Variants in CNTNAP2 observed in about 807,000 individuals in gnomAD.
CNTNAP2 encodes the protein contactin-associated protein-like 2.
In CNTNAP2, 98 loss-of-function variants were observed where a neutral mutation model predicts 155.2. The ratio of observed to expected loss-of-function variants is 0.63; its 90% CI spans 0.54 to 0.75. The LOEUF (loss-of-function observed/expected upper bound fraction) is 0.75. Ranked by LOEUF, CNTNAP2 falls within the 30% of genes least tolerant of loss-of-function variation. The probability of loss-of-function intolerance (pLI) is 0.00; values close to 1 mark genes in which losing one functional copy is unlikely to be tolerated. For synonymous variants in CNTNAP2, 651 were observed against 631.2 expected (o/e 1.03, Z -0.47); for missense variants, 1,727 against 1,688.1 (o/e 1.02, Z -0.40).
intron 3 of CNTNAP2, among the ~76,000 whole-genome samples, chr7:146,982,787 G>A (rs189444928): frequency 6.6e-6 from 1 of 152,016 alleles, no homozygotes; most frequent in Non-Finnish European, 1.5e-5. Context: ...CATGTCAAAA[G>A]GTCCAGAGAA....
At chr7:147,526,991 A>C (rs554911920) in intron 11 of CNTNAP2, among the ~76,000 whole-genome samples, 55 of 142,296 alleles carry the variant, frequency 3.9e-4, no homozygotes, top group Admixed American at 2.5e-3. Flanking sequence ...TTTGATTTCC[A>C]TGAATTATGG....
chr7:147,460,132 A>G (rs1797995249), intron 10 of CNTNAP2, among the ~76,000 whole-genome samples: 2 of 151,402 alleles, frequency 1.3e-5, no homozygotes, highest in Non-Finnish European at 1.5e-5. Context: ...CCCAGAACTT[A>G]AAAAAAAAGA....
At chr7:146,768,429 G>A (rs997093804) in intron 1 of CNTNAP2, among the ~76,000 whole-genome samples, 1 of 151,610 alleles carries the variant, frequency 6.6e-6, no homozygotes, top group East Asian at 2.0e-4. Context: ...CCACATTTCT[G>A]ACCATCATTA....
At chr7:146,593,404 A>G (rs1197142041) in intron 1 of CNTNAP2, among the ~76,000 whole-genome samples, 1 of 152,080 alleles carries the variant, frequency 6.6e-6, no homozygotes, top group African/African-American at 2.4e-5. Context: ...AGAGGGTTGA[A>G]TGAAGAAGAG....
intron 13 of CNTNAP2, among the ~76,000 whole-genome samples, chr7:147,658,255 C>T (rs11970817): frequency 0.65 from 65,596 of 100,900 alleles, 20,873 homozygotes; most frequent in African/African-American, 0.84. Context: ...AGACTCCGTC[C>T]CAAAAAAAAA....
At position 147,878,536 on chromosome 7, in the gene CNTNAP2, T is replaced by G. The variant is rs560279352; in HGVS notation, c.2099-25029T>G. ...AGCAATCTTTAGGGTCTTTTTTCTCTGAAAACTCAAGTTTATTTTTGTCTT... is the reference window on the plus strand; with the variant it reads ...AGCAATCTTTAGGGTCTTTTTTCTCGGAAAACTCAAGTTTATTTTTGTCTT... On this transcript the variant is annotated intron_variant, in intron 13 of 23. Coordinates refer to ENST00000361727, the MANE Select transcript of CNTNAP2 (RefSeq NM_014141.6). 2.0e-5 allele frequency among the ~76,000 whole-genome samples: 3 copies of G among 152,314 alleles called. No individual in the cohort carries two copies. In the East Asian group the frequency reaches 5.8e-4, roughly 29 times the overall value.
intron 9 of CNTNAP2, among the ~76,000 whole-genome samples, chr7:147,366,522 C>A (rs1221059765): frequency 6.6e-6 from 1 of 151,148 alleles, no homozygotes; most frequent in African/African-American, 2.4e-5. Flanking sequence ...TCATAGTTTC[C>A]TTCTCTCTGC....
chr7:146,339,233 G>A (rs1801331799), intron 1 of CNTNAP2, among the ~76,000 whole-genome samples: 1 of 151,644 alleles, frequency 6.6e-6, no homozygotes, highest in Non-Finnish European at 1.5e-5. Context: ...ATAATGCTAT[G>A]TGTACATATG....
chr7:146,141,889 A>T (rs2116758289), intron 1 of CNTNAP2, among the ~76,000 whole-genome samples: 1 of 152,276 alleles, frequency 6.6e-6, no homozygotes, highest in Admixed American at 6.5e-5. Flanking sequence ...AAAGACTCAT[A>T]GCCTTTAGGT....
intron 1 of CNTNAP2, among the ~76,000 whole-genome samples, chr7:146,758,373 A>G (rs1179948088): frequency 6.6e-6 from 1 of 152,178 alleles, no homozygotes; most frequent in Non-Finnish European, 1.5e-5. Context: ...AAAACATGGA[A>G]GAGGTTATCC....
At chr7:146,251,273 A>G (rs115525604) in intron 1 of CNTNAP2, among the ~76,000 whole-genome samples, 1,740 of 152,296 alleles carry the variant, frequency 0.011, 39 homozygotes, top group African/African-American at 0.041. Flanking sequence ...TTTTGTGGGT[A>G]TAAATAAATT....
chr7:147,056,395 A>G (rs1245947894), intron 4 of CNTNAP2, among the ~76,000 whole-genome samples: 3 of 152,134 alleles, frequency 2.0e-5, no homozygotes. Flanking sequence ...CCTCTTTCCC[A>G]TGGCATTGCA....
intron 1 of CNTNAP2, among the ~76,000 whole-genome samples, chr7:146,122,789 G>T (rs1797582832): frequency 6.6e-6 from 1 of 152,064 alleles, no homozygotes; most frequent in African/African-American, 2.4e-5. Context: ...ACAAACTTTA[G>T]CCAGTACACA....
intron 1 of CNTNAP2, among the ~76,000 whole-genome samples, chr7:146,322,634 CTTT>C (rs56287346): frequency 9.2e-5 from 6 of 64,960 alleles, no homozygotes; most frequent in Admixed American, 2.7e-4. Context: ...TGTTCATTCT[CTTT>C]TTTTTTTTTT....
chr7:147,823,941 G>A (rs770567876), intron 13 of CNTNAP2, among the ~76,000 whole-genome samples: 1 of 152,002 alleles, frequency 6.6e-6, no homozygotes, highest in Non-Finnish European at 1.5e-5. Context: ...ATATAAGAAG[G>A]CTATTTTACT....
At chr7:147,221,320 T>G (rs79410540) in intron 8 of CNTNAP2, among the ~76,000 whole-genome samples, 1,570 of 152,262 alleles carry the variant, frequency 0.01, 20 homozygotes, top group African/African-American at 0.036. Context: ...ATAAGTAAAC[T>G]AGAGCATGGG....
intron 20 of CNTNAP2, among the ~76,000 whole-genome samples, chr7:148,250,529 A>G (rs1796345437): frequency 6.6e-6 from 1 of 152,136 alleles, no homozygotes; most frequent in Admixed American, 6.5e-5. Context: ...TTCCCACACG[A>G]TGCACTCGGA....
chr7:147,132,432 T>C lies in CNTNAP2; in HGVS notation c.1271T>C (p.Ile424Thr). ...HFADNLGNVEIDLTESKVGVH... is the reference protein window; with the variant it reads ...HFADNLGNVETDLTESKVGVH... ...GCGGATAATTTGGGCAATGTGGAGA[T>C]TGACCTCACTGAAAGCAAAGTGGGT... is the stretch of plus-strand genomic sequence containing the variant. The change falls in exon 8 of 24, where the codon ATT becomes ACT. Residue 424 changes from isoleucine to threonine, a missense_variant. Transcript: ENST00000361727. 1.9e-6 allele frequency: 3 copies of C among 1,613,638 alleles called. No homozygotes were observed. Among genetic ancestry groups the C allele is most frequent in the Non-Finnish European group, 2.5e-6 (3 of 1,179,748 alleles).
intron 15 of CNTNAP2, among the ~76,000 whole-genome samples, chr7:148,062,247 C>T (rs1424802197): frequency 2.0e-5 from 3 of 151,482 alleles, no homozygotes; most frequent in African/African-American, 4.9e-5. Flanking sequence ...AAGGAAAAAC[C>T]GGGTAACTAT....
Sources: allele counts gnomAD v4.1 joint callset (sites outside exome capture counted in the v4.1 genomes callset), GRCh38; gene constraint gnomAD v4.1.1; transcripts MANE v1.5; gene names NCBI Gene and HGNC (gene_info 2026-07-23, HGNC 2026-07-21).